TAFA2: variants seen among roughly 807,000 people sequenced by gnomAD.
TAFA2 encodes the protein TAFA chemokine like family member 2, also known as chemokine-like protein TAFA-2.
In TAFA2, 7 loss-of-function variants were observed where a neutral mutation model predicts 18.8. That is an observed-to-expected ratio of 0.37 (90% CI 0.21 to 0.70). The LOEUF (loss-of-function observed/expected upper bound fraction) is 0.70, where lower values mean the gene tolerates loss of function less well. TAFA2 is among the 30% of genes least tolerant of loss of function. The probability of loss-of-function intolerance (pLI) is 0.53; values close to 1 mark genes in which losing one functional copy is unlikely to be tolerated. For synonymous variants in TAFA2, 60 were observed against 54.2 expected (o/e 1.11, Z -0.47); for missense variants, 122 against 158.1 (o/e 0.77, Z 1.23).
At chr12:62,050,423 T>A (rs746955938) in intron 1 of TAFA2, among the ~76,000 whole-genome samples, 1 of 151,776 alleles carries the variant, frequency 6.6e-6, no homozygotes, top group Non-Finnish European at 1.5e-5. Context: ...TACAAAAAAA[T>A]TAGCCGGGCG....
At chr12:62,078,617 C>T (rs1245515398) in intron 1 of TAFA2, among the ~76,000 whole-genome samples, 1 of 152,020 alleles carries the variant, frequency 6.6e-6, no homozygotes, top group East Asian at 1.9e-4. Flanking sequence ...CTAAAAATTC[C>T]CCACCTCTAC....
chr12:61,777,670 C>A (rs889843842), intron 2 of TAFA2, among the ~76,000 whole-genome samples: 2 of 151,120 alleles, frequency 1.3e-5, no homozygotes, highest in Non-Finnish European at 3.0e-5. Flanking sequence ...TGCTGGGTAA[C>A]CTTTGCCAAG....
Position 61,824,545 on chromosome 12 carries a change from T to C in TAFA2, c.106+42775A>G, listed in dbSNP as rs1366785441. On this transcript the variant is annotated intron_variant, in intron 2 of 4. Transcript: ENST00000416284. ...TCCTTTAGCAAAATAATTGTAGATA[T>C]ATCTATTTTATTTCCAAAAAAAGTC... Among the ~76,000 whole-genome samples the C allele has an allele frequency of 2.6e-5, 4 of 152,284 alleles. No individual in the cohort carries two copies. In the East Asian group the frequency reaches 5.8e-4, roughly 22 times the overall value.
In TAFA2 at chr12:61,900,934, T is replaced by C. The variant is rs116188606; in HGVS notation, c.-1-33508A>G. 6.7e-3 allele frequency among the ~76,000 whole-genome samples: 1,017 copies of C among 152,312 alleles called. 12 individuals carry two copies. Among genetic ancestry groups the C allele is most frequent in the African/African-American group, 0.024 (981 of 41,560 alleles). ...AATTTTTCAAGTAAGCAGACAGTAT[T>C]ATCATTTCTTTGTTTCCATCAACAA... On this transcript the variant is annotated intron_variant, in intron 1 of 4. Transcript: ENST00000416284.
intron 1 of TAFA2, among the ~76,000 whole-genome samples, chr12:62,256,595 C>A (rs1167486862): frequency 6.6e-6 from 1 of 152,158 alleles, no homozygotes; most frequent in African/African-American, 2.4e-5. Flanking sequence ...GCCAAGGTTA[C>A]CAGCTAGCAA....
chr12:61,865,491 A>C, intron 2 of TAFA2, among the ~76,000 whole-genome samples: 1 of 152,210 alleles, frequency 6.6e-6, no homozygotes, highest in Non-Finnish European at 1.5e-5. Flanking sequence ...TATTGGTGGC[A>C]GTGTGGAAAG....
At chr12:61,854,276 A>G (rs1049734009) in intron 2 of TAFA2, among the ~76,000 whole-genome samples, 2 of 152,188 alleles carry the variant, frequency 1.3e-5, no homozygotes, top group Non-Finnish European at 2.9e-5. Context: ...ACAAAATTTC[A>G]CACAGGTTTG....
chr12:62,155,097 T>A (rs955448275), intron 1 of TAFA2, among the ~76,000 whole-genome samples: 3 of 152,152 alleles, frequency 2.0e-5, no homozygotes, highest in Non-Finnish European at 4.4e-5. Context: ...TTCAGCAAAG[T>A]TTCCAGATAC....
intron 1 of TAFA2, among the ~76,000 whole-genome samples, chr12:61,970,045 C>A (rs1187231012): frequency 1.3e-5 from 2 of 151,500 alleles, no homozygotes; most frequent in African/African-American, 4.8e-5. Flanking sequence ...AAGTTTGGAC[C>A]CTGCCATTTC....
At chr12:61,755,734 C>T (rs1869233587) in intron 2 of TAFA2, among the ~76,000 whole-genome samples, 1 of 152,028 alleles carries the variant, frequency 6.6e-6, no homozygotes, top group Non-Finnish European at 1.5e-5. Context: ...TGTCAGGCTT[C>T]CATATTCATT....
chr12:62,234,497 CT>C, intron 1 of TAFA2: 2 of 1,086,084 alleles, frequency 1.8e-6, no homozygotes, highest in African/African-American at 1.6e-5. Context: ...CTCATGAACT[CT>C]TGGCTGCACT....
intron 1 of TAFA2, among the ~76,000 whole-genome samples, chr12:61,893,757 A>G (rs1451817450): frequency 6.6e-6 from 1 of 152,258 alleles, no homozygotes; most frequent in Non-Finnish European, 1.5e-5. Context: ...TTACCCTGCT[A>G]TTATATACTC....
intron 1 of TAFA2, among the ~76,000 whole-genome samples, chr12:61,914,951 T>C (rs1324974652): frequency 1.3e-5 from 2 of 152,116 alleles, no homozygotes; most frequent in Admixed American, 6.6e-5. Flanking sequence ...TAACCTGAGG[T>C]CAGGAGTTCA....
intron 1 of TAFA2, among the ~76,000 whole-genome samples, chr12:62,182,282 G>C (rs996557973): frequency 6.6e-6 from 1 of 152,112 alleles, no homozygotes; most frequent in Admixed American, 6.6e-5. Flanking sequence ...CTAAATGGAA[G>C]GTTAAAAAAC....
At chr12:61,758,433 G>A (rs78646413) in intron 2 of TAFA2, among the ~76,000 whole-genome samples, 4,799 of 152,002 alleles carry the variant, frequency 0.032, 242 homozygotes, top group African/African-American at 0.11. Flanking sequence ...TGTGATCCAG[G>A]GCCCCTGGAG....
intron 1 of TAFA2, among the ~76,000 whole-genome samples, chr12:61,930,937 C>T (rs1250045202): frequency 1.3e-5 from 2 of 152,186 alleles, no homozygotes; most frequent in African/African-American, 2.4e-5. Flanking sequence ...TTGGTGCCAA[C>T]ATCTCTATAA....
At chr12:62,128,095 C>T (rs192088374) in intron 1 of TAFA2, among the ~76,000 whole-genome samples, 112 of 151,946 alleles carry the variant, frequency 7.4e-4, no homozygotes, top group African/African-American at 2.5e-3. Flanking sequence ...GGACATGTTG[C>T]GATTAAGGTG....
chr12:61,855,276 G>A (rs1280049006), intron 2 of TAFA2, among the ~76,000 whole-genome samples: 1 of 152,164 alleles, frequency 6.6e-6, no homozygotes, highest in Non-Finnish European at 1.5e-5. Context: ...TTAAGAGCTG[G>A]AAGTATGTCT....
chr12:62,040,617 C>A (rs1261141987), intron 1 of TAFA2, among the ~76,000 whole-genome samples: 2 of 152,112 alleles, frequency 1.3e-5, no homozygotes, highest in Non-Finnish European at 2.9e-5. Flanking sequence ...GAGAACATGG[C>A]TGTGCAACAC....
Sources: allele counts gnomAD v4.1 joint callset (sites outside exome capture counted in the v4.1 genomes callset), GRCh38; gene constraint gnomAD v4.1.1; transcripts MANE v1.5; gene names NCBI Gene and HGNC (gene_info 2026-07-23, HGNC 2026-07-21).